KIF26A: variants seen among roughly 807,000 people sequenced by gnomAD.
KIF26A encodes kinesin family member 26A.
Under a neutral mutation model 126.0 loss-of-function variants are expected in KIF26A, and 74 were observed. The ratio of observed to expected loss-of-function variants is 0.59; its 90% CI spans 0.49 to 0.71. The LOEUF (loss-of-function observed/expected upper bound fraction) is 0.71. KIF26A is among the 30% of genes least tolerant of loss of function. KIF26A has a pLI of 0.00. For synonymous variants in KIF26A, 1,445 were observed against 1,232.7 expected (o/e 1.17, Z -3.61); for missense variants, 2,984 against 2,763.3 (o/e 1.08, Z -1.79).
intron 2 of KIF26A, among the ~76,000 whole-genome samples, chr14:104,140,173 C>G (rs1293575560): frequency 6.6e-6 from 1 of 152,140 alleles, no homozygotes; most frequent in Admixed American, 6.5e-5. Context: ...ACTGCCCTGT[C>G]TGGGGCAGGG....
At chr14:104,139,644 A>G (rs951790854) in intron 2 of KIF26A, among the ~76,000 whole-genome samples, 1 of 152,148 alleles carries the variant, frequency 6.6e-6, no homozygotes, top group Non-Finnish European at 1.5e-5. Context: ...CCCTACCAGC[A>G]GGGAGAGGTT....
In KIF26A at chr14:104,176,925, G is replaced by C; in HGVS notation, c.4137G>C (p.Ser1379=). 3 of 1,536,498 alleles carry C rather than the reference G, an allele frequency of 2.0e-6. No individual in the cohort carries two copies. Among genetic ancestry groups the C allele is most frequent in the Non-Finnish European group, 2.6e-6 (3 of 1,145,812 alleles). The change falls in exon 12 of 15, where the codon TCG becomes TCC. Residue 1379 remains serine (S), a synonymous_variant. Transcript: ENST00000423312. The part of the protein sequence containing the change: ...SSLEQRSSPA[S]APPHAVNPAR... ...TGGAGCAGAGGAGCAGCCCGGCCTC[G>C]GCCCCTCCGCATGCTGTGAACCCGG... is the stretch of plus-strand genomic sequence containing the variant.
intron 3 of KIF26A, among the ~76,000 whole-genome samples, chr14:104,156,339 A>G (rs1232557414): frequency 6.6e-6 from 1 of 152,170 alleles, no homozygotes; most frequent in African/African-American, 2.4e-5. Flanking sequence ...AGAGGGATGT[A>G]CAGGAGTTCC....
chr14:104,163,050 C>T (rs2037847597), intron 4 of KIF26A, among the ~76,000 whole-genome samples: 2 of 152,230 alleles, frequency 1.3e-5, no homozygotes, highest in Non-Finnish European at 2.9e-5. Context: ...AGCTTCTTCC[C>T]TTGCAGGCAG....
Position 104,176,644 on chromosome 14 carries a change from G to T in KIF26A, c.3856G>T (p.Gly1286Trp), listed in dbSNP as rs200718356. The change falls in exon 12 of 15, where the codon GGG becomes TGG. Residue 1286 changes from glycine (G) to tryptophan (W), a missense_variant. Transcript: ENST00000423312. ...MLACAQRVVD[G>W]CEVAARAARR... ...AGCCTGTGCCCAGAGAGTGGTGGACGGGTGTGAGGTGGCAGCCAGGGCGGC... is the reference window on the plus strand; with the variant it reads ...AGCCTGTGCCCAGAGAGTGGTGGACTGGTGTGAGGTGGCAGCCAGGGCGGC... The T allele has an allele frequency of 1.9e-6, 3 of 1,602,674 alleles. No homozygotes were observed. The African/African-American group carries it at 4.0e-5, about 21-fold the overall frequency.
At chr14:104,177,979 G>C (rs1286501183) in intron 12 of KIF26A, 81 bp downstream of exon 12, 1 of 1,359,134 alleles carries the variant, frequency 7.4e-7, no homozygotes, top group Non-Finnish European at 9.6e-7. Context: ...AGTTTACAGG[G>C]CCAGGAGATG....
chr14:104,140,137 G>C (rs888686908), intron 2 of KIF26A, among the ~76,000 whole-genome samples: 1 of 152,204 alleles, frequency 6.6e-6, no homozygotes, highest in Non-Finnish European at 1.5e-5. Context: ...TAAGGGCTGT[G>C]GGGGTTGGAG....
At chr14:104,160,752 CCT>C (rs1321484931) in intron 4 of KIF26A, among the ~76,000 whole-genome samples, 1 of 152,228 alleles carries the variant, frequency 6.6e-6, no homozygotes, top group African/African-American at 2.4e-5. Flanking sequence ...TGCAGTGCCT[CCT>C]CTGAGGTACT....
intron 2 of KIF26A, among the ~76,000 whole-genome samples, chr14:104,140,861 C>T (rs72714963): frequency 0.011 from 1,647 of 152,282 alleles, 11 homozygotes; most frequent in Middle Eastern, 0.024. Context: ...ACCGGGGTCC[C>T]GGGCTGGTCT....
At position 104,176,470 on chromosome 14, in the gene KIF26A, CT is replaced by C; in HGVS notation, c.3683del (p.Leu1228ArgfsTer20). 6.2e-7 allele frequency: 1 copy of C among 1,607,062 alleles called. No homozygotes were observed. Among genetic ancestry groups the C allele is most frequent in the Non-Finnish European group, 8.5e-7 (1 of 1,179,368 alleles). ...CACCACCCGTGTGGGCTGTGCTCGCCTGGGCCAGAGCCCACCTGGCCGTGGA... is the reference window on the plus strand; with the variant it reads ...CACCACCCGTGTGGGCTGTGCTCGCCGGGCCAGAGCCCACCTGGCCGTGGA... The part of the protein sequence containing the change: ...SATTRVGCAR[L>X]GQSPPGRGGL... On this transcript the variant is annotated frameshift_variant, in exon 12 of 15. Coordinates refer to ENST00000423312, the MANE Select transcript of KIF26A (RefSeq NM_015656.2). LOFTEE classifies it high-confidence loss of function.
At chr14:104,171,981 G>C in intron 6 of KIF26A, 46 bp downstream of exon 6, 1 of 1,517,422 alleles carries the variant, frequency 6.6e-7, no homozygotes, top group Non-Finnish European at 8.9e-7. Context: ...CCGGAGCCGG[G>C]CTGCTGGCTC....
At chr14:104,153,928 T>G (rs895844882) in intron 3 of KIF26A, among the ~76,000 whole-genome samples, 9 of 152,058 alleles carry the variant, frequency 5.9e-5, no homozygotes, top group African/African-American at 2.2e-4. Context: ...CATGAACATT[T>G]AGGCACCCTC....
chr14:104,157,239 AG>A (rs1400318651), intron 3 of KIF26A, among the ~76,000 whole-genome samples: 1 of 152,164 alleles, frequency 6.6e-6, no homozygotes, highest in Non-Finnish European at 1.5e-5. Flanking sequence ...TGGAAATGCC[AG>A]GGTAGTATTT....
At position 104,171,739 on chromosome 14, in the gene KIF26A, G is replaced by T; in HGVS notation, c.1130G>T (p.Arg377Leu). 6.3e-7 allele frequency: 1 copy of T among 1,576,628 alleles called. No individual in the cohort carries two copies. Among genetic ancestry groups the T allele is most frequent in the East Asian group, 2.3e-5 (1 of 42,788 alleles). Reference sequence around the variant, plus strand: ...CTGCCCCAGGTGAAGGTTATGCTGCGGATCTGGCCCGCACAGGGGGCCCAG... The same window carrying T: ...CTGCCCCAGGTGAAGGTTATGCTGCTGATCTGGCCCGCACAGGGGGCCCAG... Reference protein sequence around the residue: ...GSIGKVKVMLRIWPAQGAQRS... With the variant: ...GSIGKVKVMLLIWPAQGAQRS... Residue 377 changes from arginine (R) to leucine (L), a missense_variant, in exon 6 of 15, where the codon CGG becomes CTG. Physicochemically the swap from Arg to Leu is moderately radical, Grantham distance 102. Coordinates refer to ENST00000423312, the MANE Select transcript of KIF26A (RefSeq NM_015656.2).
At chr14:104,158,597 C>T (rs371072467) in intron 4 of KIF26A, among the ~76,000 whole-genome samples, 3 of 152,324 alleles carry the variant, frequency 2.0e-5, no homozygotes, top group Admixed American at 6.5e-5. Context: ...GCCCCGAGCT[C>T]GGGGTGCCTG....
chr14:104,175,550 G>A lies in KIF26A; in HGVS notation c.2762G>A (p.Gly921Asp). Residue 921 changes from glycine to aspartate, a missense_variant, in exon 12 of 15, where the codon GGT becomes GAT. Coordinates refer to ENST00000423312, the MANE Select transcript of KIF26A (RefSeq NM_015656.2). ...GAGCCCTGCAAGGCCATTGTCTGGG[G>A]TGACCAGAGAGAGGACAGCAGCGCT... ...TPEPCKAIVW[G>D]DQREDSSAWP... 1 of 1,604,164 alleles carries A rather than the reference G, an allele frequency of 6.2e-7. No individual in the cohort carries two copies. The highest frequency in any genetic ancestry group is 1.3e-5 in the African/African-American group (1 of 75,046).
chr14:104,146,299 T>C (rs912025722), intron 2 of KIF26A, among the ~76,000 whole-genome samples: 1 of 151,936 alleles, frequency 6.6e-6, no homozygotes, highest in Non-Finnish European at 1.5e-5. Flanking sequence ...TGCTGGGTGA[T>C]TGGGAGAAGG....
In KIF26A at chr14:104,174,129, G is replaced by A. The variant is rs2037990029; in HGVS notation, c.2031-19G>A. On this transcript the variant is annotated intron_variant, in intron 10 of 14. Transcript: ENST00000423312. ...CTCCCTTCCCAAGGCCTTGGCATCTGAACCGCCTCGACCCGCAGGGACCAC... is the reference window on the plus strand; with the variant it reads ...CTCCCTTCCCAAGGCCTTGGCATCTAAACCGCCTCGACCCGCAGGGACCAC... The A allele has an allele frequency of 1.3e-6, 2 of 1,537,188 alleles. No homozygotes were observed. The highest frequency in any genetic ancestry group is 1.4e-5 in the African/African-American group (1 of 72,950).
Position 104,139,075 on chromosome 14 carries a change from G to A in KIF26A, c.75G>A (p.Pro25=). Residue 25 remains proline (P), a synonymous_variant, in exon 2 of 15, where the codon CCG becomes CCA. Coordinates refer to ENST00000423312, the MANE Select transcript of KIF26A (RefSeq NM_015656.2). ...AGGGCGGCCCGGCCCGCGAGCCGCCGCCGCTGCTGGAGGTGTCCCCCCGAA... is the reference window on the plus strand; with the variant it reads ...AGGGCGGCCCGGCCCGCGAGCCGCCACCGCTGCTGGAGGTGTCCCCCCGAA... ...VAEGGPAREP[P]PLLEVSPRKR... The A allele has an allele frequency of 7.2e-7, 1 of 1,397,858 alleles. No individual in the cohort carries two copies. The highest frequency in any genetic ancestry group is 3.1e-5 in the East Asian group (1 of 32,718). The allele number at this position is 1,397,858 out of a possible 1,614,324, so 86.6% of individuals were successfully genotyped here. A position where few individuals can be genotyped will look rare whatever the true frequency, so the allele number is the denominator to read the frequency against.
Sources: gnomAD v4.1 joint callset for allele counts (sites outside exome capture counted in the v4.1 genomes callset) on GRCh38, gnomAD v4.1.1 for gene constraint, MANE v1.5 for transcripts, NCBI Gene and HGNC (gene_info 2026-07-23, HGNC 2026-07-21) for gene names.